CLCN5: variants seen among roughly 807,000 people sequenced by gnomAD.
CLCN5 encodes the protein Cl-/H+ antiporter 5, also known as H(+)/Cl(-) exchange transporter 5.
CLCN5 carries 17 observed loss-of-function variants against 54.0 expected under a neutral mutation model. That is an observed-to-expected ratio of 0.31 (90% CI 0.22 to 0.47). The LOEUF is 0.47. Among genes scored for constraint, CLCN5 ranks in the 20% least tolerant of loss-of-function variants. The pLI is 1.00. For missense variants in CLCN5, 448 were observed against 646.7 expected, an observed-to-expected ratio of 0.69 and a Z score of 3.33; for synonymous variants, 222 against 233.0, an observed-to-expected ratio of 0.95 and a Z score of 0.43.
rs1557193229 is a variant in CLCN5 at position 50,081,826 on chromosome X, G to T, written c.912G>T (p.Lys304Asn). 1 of 1,210,533 alleles carries T rather than the reference G, an allele frequency of 8.3e-7. No homozygotes were observed. The part of the protein sequence containing the change: ...ILCHCFNKYR[K>N]NEAKRREVLS... ...GCCACTGCTTCAACAAATACAGGAA[G>T]AATGAAGCCAAGCGCAGAGAGGTAA... The change falls in exon 9 of 15, where the codon AAG (lysine) becomes AAT (asparagine). Residue 304 changes from lysine to asparagine, a missense_variant. Around this residue, in one of 5 missense-constraint regions of CLCN5, gnomAD observed 297 missense variants for 470.4 expected, o/e 0.63. Coordinates refer to ENST00000376091, the MANE Select transcript of CLCN5 (RefSeq NM_001127898.4).
intron 3 of CLCN5, among the ~76,000 whole-genome samples, chrX:49,947,160 C>T (rs1418629983): frequency 9.0e-6 from 1 of 111,587 alleles, no homozygotes; most frequent in East Asian, 2.8e-4. Flanking sequence ...AACAAACACT[C>T]ACTTGGGTAA....
chrX:49,988,553 C>T (rs1156791912), intron 3 of CLCN5, among the ~76,000 whole-genome samples: 1 of 110,954 alleles, frequency 9.0e-6, no homozygotes, highest in African/African-American at 3.3e-5. Context: ...CACCCTAGCC[C>T]CTCGAATGAC....
At chrX:50,060,662 A>G (rs1454271028) in intron 4 of CLCN5, among the ~76,000 whole-genome samples, 2 of 112,160 alleles carry the variant, frequency 1.8e-5, no homozygotes, top group Admixed American at 1.9e-4. Flanking sequence ...ACCACAGCTC[A>G]AGGAGGCCTG....
intron 7 of CLCN5, among the ~76,000 whole-genome samples, chrX:50,076,736 G>A (rs1933419056): frequency 9.0e-6 from 1 of 111,546 alleles, no homozygotes; most frequent in South Asian, 3.8e-4. Context: ...GTCTTACTAT[G>A]TTGCCTAGGC....
chrX:49,924,598 CT>C (rs1312640069), intron 2 of CLCN5, among the ~76,000 whole-genome samples: 8 of 111,936 alleles, frequency 7.1e-5, no homozygotes, highest in African/African-American at 9.8e-5. Context: ...CATTTTCCCC[CT>C]GATTATAAAA....
At chrX:49,934,269 C>T (rs973967781) in intron 3 of CLCN5, among the ~76,000 whole-genome samples, 17 of 111,076 alleles carry the variant, frequency 1.5e-4, no homozygotes, top group African/African-American at 5.6e-4. Context: ...GTTTTTTTTC[C>T]CCTTCTTCTC....
At chrX:50,006,772 C>T (rs12009299) in intron 3 of CLCN5, among the ~76,000 whole-genome samples, 4,935 of 111,252 alleles carry the variant, frequency 0.044, 292 homozygotes, top group African/African-American at 0.15. Flanking sequence ...AGCCCTTGTA[C>T]ATCGCCTACC....
chrX:50,009,183 T>C (rs1476015064), intron 3 of CLCN5, among the ~76,000 whole-genome samples: 1 of 111,897 alleles, frequency 8.9e-6, no homozygotes, highest in Non-Finnish European at 1.9e-5. Flanking sequence ...AGAGGGCACC[T>C]GTGGGAGAAT....
chrX:49,981,126 A>G (rs1304675881), intron 3 of CLCN5, among the ~76,000 whole-genome samples: 1 of 111,443 alleles, frequency 9.0e-6, no homozygotes. Flanking sequence ...GCAACATTGC[A>G]TTTTCTTACA....
At chrX:50,005,407 C>T (rs1910623453) in intron 3 of CLCN5, among the ~76,000 whole-genome samples, 1 of 111,094 alleles carries the variant, frequency 9.0e-6, no homozygotes, top group African/African-American at 3.3e-5. Flanking sequence ...TATTCTAATC[C>T]CATTATTCTC....
intron 3 of CLCN5, among the ~76,000 whole-genome samples, chrX:49,995,403 G>T (rs1295860934): frequency 8.9e-6 from 1 of 111,866 alleles, no homozygotes; most frequent in Admixed American, 9.5e-5. Flanking sequence ...AAATAGTTAC[G>T]GAGTTTCTAC....
chrX:50,016,544 GTAT>G, intron 3 of CLCN5, among the ~76,000 whole-genome samples: 1 of 108,918 alleles, frequency 9.2e-6, no homozygotes, highest in Non-Finnish European at 1.9e-5. Flanking sequence ...TAATTATAAT[GTAT>G]TATAACTATT....
chrX:49,936,788 C>T (rs1447720835), intron 3 of CLCN5, among the ~76,000 whole-genome samples: 1 of 111,961 alleles, frequency 8.9e-6, no homozygotes, highest in Non-Finnish European at 1.9e-5. Context: ...AAAGGAACTG[C>T]ATGAAGGTCA....
intron 4 of CLCN5, among the ~76,000 whole-genome samples, chrX:50,048,417 T>A (rs1433611086): frequency 8.9e-6 from 1 of 112,919 alleles, no homozygotes; most frequent in Non-Finnish European, 1.9e-5. Context: ...AGGTTTCACC[T>A]CCATGAGGGT....
At chrX:50,075,217 T>C (rs1415048957) in intron 6 of CLCN5, among the ~76,000 whole-genome samples, 1 of 111,165 alleles carries the variant, frequency 9.0e-6, no homozygotes, top group African/African-American at 3.3e-5. Flanking sequence ...AATGCCTTCC[T>C]GCCATTGCTC....
At chrX:50,090,022 T>G in intron 12 of CLCN5, 94 bp from the exon 13 acceptor site, 1 of 948,270 alleles carries the variant, frequency 1.1e-6, no homozygotes, top group Non-Finnish European at 1.5e-6. Context: ...GAGACCTCAT[T>G]GTTTTTGGTA....
At chrX:49,957,228 A>C (rs782042550) in intron 3 of CLCN5, among the ~76,000 whole-genome samples, 20 of 111,294 alleles carry the variant, frequency 1.8e-4, no homozygotes, top group African/African-American at 6.5e-4. Flanking sequence ...TGAACCCCGG[A>C]GGTGGAGGCT....
chrX:49,927,633 T>C (rs782476955), intron 3 of CLCN5, among the ~76,000 whole-genome samples: 67 of 112,118 alleles, frequency 6.0e-4, no homozygotes, highest in Middle Eastern at 4.6e-3. Context: ...ATGGAGATAG[T>C]AATATAACTC....
intron 3 of CLCN5, among the ~76,000 whole-genome samples, chrX:49,938,437 A>G (rs1224192907): frequency 3.6e-5 from 4 of 111,829 alleles, no homozygotes; most frequent in Non-Finnish European, 7.5e-5. Flanking sequence ...GTACCAAAAC[A>G]GAGATATAGA....
Sources: allele counts gnomAD v4.1 joint callset (sites outside exome capture counted in the v4.1 genomes callset), GRCh38; gene constraint gnomAD v4.1.1; regional missense constraint gnomAD v4.1.1; transcripts MANE v1.5; gene names NCBI Gene and HGNC (gene_info 2026-07-23, HGNC 2026-07-21).